The following DIAPH2 variants were observed in gnomAD, a reference collection of about 807,000 sequenced individuals.
DIAPH2 encodes protein diaphanous homolog 2.
In DIAPH2, 35 loss-of-function variants were observed where a neutral mutation model predicts 92.7. The observed-to-expected ratio is 0.38, with a 90% CI of 0.29 to 0.50. The LOEUF is 0.50. DIAPH2 is among the 20% of genes least tolerant of loss of function. The pLI is 0.94. For synonymous variants in DIAPH2, 301 were observed against 280.4 expected (o/e 1.07, Z -0.73); for missense variants, 701 against 819.5 (o/e 0.86, Z 1.77).
intron 22 of DIAPH2, among the ~76,000 whole-genome samples, chrX:97,215,795 C>T (rs1294508168): frequency 8.9e-6 from 1 of 111,923 alleles, no homozygotes; most frequent in Non-Finnish European, 1.9e-5. Context: ...TGGAAATAAA[C>T]ATATCGTTCA....
At chrX:96,699,630 A>C (rs770853725) in intron 1 of DIAPH2, among the ~76,000 whole-genome samples, 8 of 112,002 alleles carry the variant, frequency 7.1e-5, no homozygotes, top group Non-Finnish European at 1.3e-4. Context: ...TAGTGTGAAA[A>C]ACTTTTTGTA....
intron 4 of DIAPH2, among the ~76,000 whole-genome samples, chrX:96,779,208 A>G (rs2064398938): frequency 8.9e-6 from 1 of 112,212 alleles, no homozygotes; most frequent in Non-Finnish European, 1.9e-5. Flanking sequence ...ACTTTTTAAA[A>G]GAAATATCAG....
At chrX:97,480,463 G>A (rs1415858766) in intron 26 of DIAPH2, among the ~76,000 whole-genome samples, 1 of 111,278 alleles carries the variant, frequency 9.0e-6, no homozygotes, top group Non-Finnish European at 1.9e-5. Flanking sequence ...ATTTATTATG[G>A]CAGACCTAGG....
rs763311457 is a variant in DIAPH2, at chrX:97,320,099, C to CAAA, written c.2845-28009_2845-28007dup. Among the ~76,000 whole-genome samples the CAAA allele has an allele frequency of 7.5e-3, 621 of 82,350 alleles. 6 individuals are homozygous for CAAA. The highest frequency in any genetic ancestry group is 0.027 in the African/African-American group (598 of 22,072). 71.5% of individuals were successfully genotyped at this position (82,350 alleles called of 115,157 possible). On this transcript the variant is annotated intron_variant, in intron 23 of 26. Transcript: ENST00000324765. ...TGGGTGACAGAGTGAGACTCTGTCTCAAAAAAAAAATATATATATATATAA... is the reference window on the plus strand; with the variant it reads ...TGGGTGACAGAGTGAGACTCTGTCTCAAAAAAAAAAAAATATATATATATATAA...
chrX:97,530,039 A>G (rs1261748249), intron 26 of DIAPH2, among the ~76,000 whole-genome samples: 1 of 112,213 alleles, frequency 8.9e-6, no homozygotes, highest in Non-Finnish European at 1.9e-5. Flanking sequence ...CTTTTGGGGC[A>G]TTTGCCAATT....
chrX:97,001,340 G>A (rs1300219645), intron 17 of DIAPH2, among the ~76,000 whole-genome samples: 1 of 112,054 alleles, frequency 8.9e-6, no homozygotes, highest in Non-Finnish European at 1.9e-5. Flanking sequence ...GGTGATTTAT[G>A]ATTGCTTTAA....
chrX:96,866,830 T>C (rs1318127990), intron 4 of DIAPH2, among the ~76,000 whole-genome samples: 1 of 112,185 alleles, frequency 8.9e-6, no homozygotes, highest in African/African-American at 3.2e-5. Context: ...GCATGTCTGT[T>C]GAATTGTTAG....
At chrX:97,388,470 G>T (rs995108320) in intron 25 of DIAPH2, among the ~76,000 whole-genome samples, 10 of 111,598 alleles carry the variant, frequency 9.0e-5, no homozygotes, top group African/African-American at 2.6e-4. Context: ...TCCTCCCTCA[G>T]CCTCCCATGT....
At chrX:97,303,391 G>T (rs1313715905) in intron 23 of DIAPH2, among the ~76,000 whole-genome samples, 1 of 111,916 alleles carries the variant, frequency 8.9e-6, no homozygotes, top group African/African-American at 3.2e-5. Context: ...CATACAGAGA[G>T]TGTTACAAAT....
At chrX:97,518,548 GTGTGTGTATATATATA>G (rs1329246531) in intron 26 of DIAPH2, among the ~76,000 whole-genome samples, 5 of 109,751 alleles carry the variant, frequency 4.6e-5, no homozygotes, top group Admixed American at 2.0e-4. Context: ...ATATATGTTT[GTGTGTGTATATATATA>G]TGTGTGTATA....
chrX:97,496,644 C>A (rs1349430080), intron 26 of DIAPH2, among the ~76,000 whole-genome samples: 1 of 104,121 alleles, frequency 9.6e-6, no homozygotes, highest in Non-Finnish European at 2.0e-5. Context: ...TCTCTGTAGC[C>A]CTGAATTAGA....
intron 26 of DIAPH2, among the ~76,000 whole-genome samples, chrX:97,575,410 T>C (rs912650815): frequency 3.6e-5 from 4 of 112,347 alleles, no homozygotes; most frequent in Admixed American, 9.4e-5. Context: ...GTTTCCTTTT[T>C]CTAGGGACAC....
chrX:96,740,705 G>T (rs2064113907), intron 3 of DIAPH2, among the ~76,000 whole-genome samples: 1 of 111,452 alleles, frequency 9.0e-6, no homozygotes, highest in South Asian at 3.8e-4. Context: ...CTCTCTAGTT[G>T]TTTCTCATGG....
chrX:96,711,867 A>G (rs938120484), intron 1 of DIAPH2, among the ~76,000 whole-genome samples: 1 of 111,303 alleles, frequency 9.0e-6, no homozygotes, highest in Non-Finnish European at 1.9e-5. Context: ...ATTTGTTAGA[A>G]TTTTCTGTTC....
At chrX:97,031,355 G>A (rs753631659) in intron 17 of DIAPH2, among the ~76,000 whole-genome samples, 1 of 98,838 alleles carries the variant, frequency 1.0e-5, no homozygotes, top group South Asian at 6.5e-4. Flanking sequence ...GGCGGGAGGG[G>A]GGGGGACATC....
chrX:97,314,090 G>A (rs897332575), intron 23 of DIAPH2, among the ~76,000 whole-genome samples: 2 of 109,757 alleles, frequency 1.8e-5, no homozygotes, highest in Non-Finnish European at 3.8e-5. Flanking sequence ...AACATTTGAC[G>A]ATGTATTTTC....
intron 26 of DIAPH2, among the ~76,000 whole-genome samples, chrX:97,541,892 C>T (rs748795885): frequency 4.4e-4 from 50 of 112,515 alleles, no homozygotes; most frequent in African/African-American, 1.5e-3. Context: ...TCTGTTTCCT[C>T]CTAGGAGAAA....
At chrX:97,405,599 C>T (rs2069801304) in intron 25 of DIAPH2, among the ~76,000 whole-genome samples, 1 of 111,571 alleles carries the variant, frequency 9.0e-6, no homozygotes, top group Admixed American at 9.5e-5. Context: ...TTTTTAAATG[C>T]ATATTTTCAT....
At chrX:97,580,079 G>C (rs1296536102) in intron 26 of DIAPH2, among the ~76,000 whole-genome samples, 2 of 111,423 alleles carry the variant, frequency 1.8e-5, no homozygotes, top group Non-Finnish European at 3.8e-5. Context: ...CTGAGACAGT[G>C]GGGTTTTCTA....
Sources: allele counts gnomAD v4.1 joint callset (sites outside exome capture counted in the v4.1 genomes callset), GRCh38; gene constraint gnomAD v4.1.1; transcripts MANE v1.5; gene names NCBI Gene and HGNC (gene_info 2026-07-23, HGNC 2026-07-21).